The following SCN11A variants were observed in gnomAD, a reference collection of about 807,000 sequenced individuals.
The protein encoded by SCN11A is sodium channel protein type 11 subunit alpha.
In SCN11A, 122 loss-of-function variants were observed where a neutral mutation model predicts 162.2. The ratio of observed to expected loss-of-function variants is 0.75; its 90% CI spans 0.65 to 0.87. The LOEUF (loss-of-function observed/expected upper bound fraction) is 0.87, where lower values mean the gene tolerates loss of function less well. SCN11A is among the 40% of genes least tolerant of loss of function. The pLI is 0.00. For missense variants in SCN11A, 2,015 were observed against 2,181.6 expected (o/e 0.92, Z 1.52); for synonymous variants, 758 against 751.5 (o/e 1.01, Z -0.14).
chr3:38,847,644 G>A lies in SCN11A; in HGVS notation c.4426C>T (p.Leu1476Phe), dbSNP rs780234964. The change falls in exon 30 of 30, where the codon CTT becomes TTT. Residue 1476 changes from leucine (L) to phenylalanine (F), a missense_variant. Transcript: ENST00000302328. ...RLARIGRILR[L>F]VRAARGIRTL... is the part of the protein sequence containing the mutation. Reference sequence around the variant, plus strand: ...CTGATTCCTCGTGCAGCCCGGACAAGCCTCAGGATTCGGCCAATCCGAGCC... The same window carrying A: ...CTGATTCCTCGTGCAGCCCGGACAAACCTCAGGATTCGGCCAATCCGAGCC... 1 of 1,614,092 alleles carries A rather than the reference G, an allele frequency of 6.2e-7. No homozygotes were observed. Among genetic ancestry groups the A allele is most frequent in the Non-Finnish European group, 8.5e-7 (1 of 1,179,962 alleles).
At chr3:38,916,061 T>A (rs1484862228) in intron 11 of SCN11A, among the ~76,000 whole-genome samples, 1 of 152,226 alleles carries the variant, frequency 6.6e-6, no homozygotes, top group Non-Finnish European at 1.5e-5. Context: ...TGTAATGCCC[T>A]TCTTTATCTA....
chr3:38,995,799 G>GTCTATCTATCTGTCTGTCTA lies in SCN11A; in HGVS notation c.-279-35377_-279-35376insTAGACAGACAGATAGATAGA, dbSNP rs774413656. 1.3e-3 allele frequency among the ~76,000 whole-genome samples: 172 copies of GTCTATCTATCTGTCTGTCTA among 131,478 alleles called. 2 individuals carry two copies. The highest frequency in any genetic ancestry group is 5.1e-3 in the African/African-American group (169 of 33,174). 86.3% of individuals were successfully genotyped at this position (131,478 alleles called of 152,430 possible). A position where few individuals can be genotyped will look rare whatever the true frequency, so the allele number is the denominator to read the frequency against. ...GTGAGCCAATTTCTCACAATAAATT[G>GTCTATCTATCTGTCTGTCTA]TCTATCTATCTATCTATCTGTCTAT... is the stretch of plus-strand genomic sequence containing the variant. On this transcript the variant is annotated intron_variant, in intron 2 of 29. Coordinates refer to ENST00000302328, the MANE Select transcript of SCN11A (RefSeq NM_001349253.2).
At chr3:38,909,583 CTTTT>C (rs57060960) in intron 12 of SCN11A, among the ~76,000 whole-genome samples, 3 of 133,456 alleles carry the variant, frequency 2.2e-5, no homozygotes, top group African/African-American at 5.6e-5. Context: ...CTTGAAGTTT[CTTTT>C]TTTTTTTTTT....
In SCN11A at chr3:38,881,595, T is replaced by C. The variant is rs571705005; in HGVS notation, c.3220-1472A>G. On this transcript the variant is annotated intron_variant, in intron 22 of 29. Transcript: ENST00000302328. ...TAGACCAGAGTTTCTCAAACTCTAA[T>C]GAACCCCAAATCACCTAGGGAACTT... Among the ~76,000 whole-genome samples, 9 of 152,324 alleles carry C rather than the reference T, an allele frequency of 5.9e-5. No homozygotes were observed. In the South Asian group the frequency reaches 1.7e-3, roughly 28 times the overall value.
chr3:39,045,626 T>C (rs1219709319), intron 1 of SCN11A, among the ~76,000 whole-genome samples: 2 of 151,950 alleles, frequency 1.3e-5, no homozygotes, highest in African/African-American at 4.8e-5. Context: ...ACAAAGGAAG[T>C]ATAAAAAGAA....
In SCN11A at chr3:38,926,916, C is replaced by T. The variant is rs190260693; in HGVS notation, c.504G>A (p.Gly168=). ...TAATCAAAGCTTCAAAAATATAAAT[C>T]CCAGTGAAGACACACCTAAAAAGCA... ...NTDIAECVFT[G]IYIFEALIKI... Residue 168 remains glycine (G), a synonymous_variant, in exon 8 of 30, where the codon GGG becomes GGA. Coordinates refer to ENST00000302328, the MANE Select transcript of SCN11A (RefSeq NM_001349253.2). 6.2e-7 allele frequency: 1 copy of T among 1,612,692 alleles called. No homozygotes were observed. The highest frequency in any genetic ancestry group is 1.3e-5 in the African/African-American group (1 of 74,938).
At chr3:38,978,277 AT>A (rs1202662087) in intron 2 of SCN11A, among the ~76,000 whole-genome samples, 1 of 152,008 alleles carries the variant, frequency 6.6e-6, no homozygotes, top group Non-Finnish European at 1.5e-5. Flanking sequence ...TACTATTTTT[AT>A]TTATATCAAG....
Position 38,871,833 on chromosome 3 carries a change from T to C in SCN11A, c.3496-125A>G, listed in dbSNP as rs77700009. 1,669 of 776,100 alleles carry C rather than the reference T, an allele frequency of 2.2e-3. 9 individuals carry two copies. Among genetic ancestry groups the C allele is most frequent in the African/African-American group, 0.015 (851 of 56,650 alleles). 48.1% of individuals were successfully genotyped at this position (776,100 alleles called of 1,614,324 possible). On this transcript the variant is annotated intron_variant, in intron 24 of 29. Coordinates refer to ENST00000302328, the MANE Select transcript of SCN11A (RefSeq NM_001349253.2). ...TGGAGCTCTGTCCTTAATCTCCACA[T>C]ACATGTGCCCCATCCCCATGACAAG...
At chr3:38,998,710 T>C (rs1335943775) in intron 2 of SCN11A, among the ~76,000 whole-genome samples, 1 of 152,004 alleles carries the variant, frequency 6.6e-6, no homozygotes, top group Non-Finnish European at 1.5e-5. Flanking sequence ...ATATACACCA[T>C]GGAATACTAT....
intron 23 of SCN11A, among the ~76,000 whole-genome samples, chr3:38,879,182 C>G (rs2065268605): frequency 6.6e-6 from 1 of 152,172 alleles, no homozygotes; most frequent in Non-Finnish European, 1.5e-5. Flanking sequence ...TTCTTAGCCT[C>G]TCTATGACTT....
intron 19 of SCN11A, among the ~76,000 whole-genome samples, chr3:38,887,432 G>C (rs561378143): frequency 8.0e-6 from 1 of 124,342 alleles, no homozygotes; most frequent in Non-Finnish European, 1.7e-5. Context: ...TTCCGGGACT[G>C]TTGTGGGGTG....
intron 2 of SCN11A, among the ~76,000 whole-genome samples, chr3:38,973,933 G>C (rs2066832303): frequency 6.6e-6 from 1 of 152,214 alleles, no homozygotes; most frequent in Admixed American, 6.5e-5. Flanking sequence ...GATGCCAACA[G>C]GAATTCTTTC....
intron 2 of SCN11A, among the ~76,000 whole-genome samples, chr3:39,025,644 G>C (rs1425490769): frequency 6.6e-6 from 1 of 152,204 alleles, no homozygotes; most frequent in Non-Finnish European, 1.5e-5. Context: ...TAATTAGTGT[G>C]TAAGGAGCAG....
In SCN11A at chr3:38,903,865, C is replaced by T. The variant is rs1368701003; in HGVS notation, c.1842G>A (p.Leu614=). The T allele has an allele frequency of 2.4e-5, 37 of 1,572,576 alleles. No individual in the cohort carries two copies. Among genetic ancestry groups the T allele is most frequent in the Non-Finnish European group, 2.9e-5 (34 of 1,155,816 alleles). ...SFEKMLNIGN[L]VFTSIFIAEM... is the part of the protein sequence containing the mutation. ...TTATTTTTAAAAAGTGTAATGTTAC[C>T]AAATTCCCTATATTCAACATCTTCT... The change falls in exon 16 of 30, where the codon TTG becomes TTA. Residue 614 remains leucine (L), a splice_region_variant and synonymous_variant. Transcript: ENST00000302328.
intron 7 of SCN11A, among the ~76,000 whole-genome samples, chr3:38,929,172 CATGTTTGGG>C (rs2066199544): frequency 1.3e-5 from 1 of 79,748 alleles, no homozygotes; most frequent in African/African-American, 3.1e-5. Flanking sequence ...CACACACACA[CATGTTTGGG>C]ACTGAAACAA....
At chr3:38,854,380 T>C (rs1249566262) in intron 28 of SCN11A, among the ~76,000 whole-genome samples, 2 of 152,238 alleles carry the variant, frequency 1.3e-5, no homozygotes, top group African/African-American at 4.8e-5. Context: ...TAAGTATGCA[T>C]GACCTTAACC....
At chr3:38,881,189 G>A (rs949283497) in intron 22 of SCN11A, among the ~76,000 whole-genome samples, 26 of 152,248 alleles carry the variant, frequency 1.7e-4, no homozygotes, top group African/African-American at 6.3e-4. Context: ...AAACTGTCCC[G>A]TTCCAGCAGG....
chr3:38,846,693 C>A lies in SCN11A; in HGVS notation c.*1G>T. 1 of 1,613,136 alleles carries A rather than the reference C, an allele frequency of 6.2e-7. No homozygotes were observed. Among genetic ancestry groups the A allele is most frequent in the Non-Finnish European group, 8.5e-7 (1 of 1,179,376 alleles). On this transcript the variant is annotated 3_prime_UTR_variant, in exon 30 of 30. Coordinates refer to ENST00000302328, the MANE Select transcript of SCN11A (RefSeq NM_001349253.2). ...TATGAGGTAGGCGTGGAGGTGAGGG[C>A]TCAGTCACAGTGGACCTTGCCCTTG...
At chr3:38,989,994 A>G (rs1559566122) in intron 2 of SCN11A, among the ~76,000 whole-genome samples, 2 of 152,118 alleles carry the variant, frequency 1.3e-5, no homozygotes, top group Admixed American at 1.3e-4. Context: ...CACCTTTCCA[A>G]TAAAAGCATT....
Sources: gnomAD v4.1 joint callset for allele counts (sites outside exome capture counted in the v4.1 genomes callset) on GRCh38, gnomAD v4.1.1 for gene constraint, MANE v1.5 for transcripts, NCBI Gene and HGNC (gene_info 2026-07-23, HGNC 2026-07-21) for gene names.